Variants in UTRN observed in about 807,000 individuals in gnomAD.
The protein encoded by UTRN is dystrophin-related protein 1.
A neutral mutation model predicts 463.9 loss-of-function variants in UTRN; 283 were observed. The observed-to-expected ratio is 0.61, with a 90% confidence interval of 0.55 to 0.67. The LOEUF (loss-of-function observed/expected upper bound fraction) is 0.67. UTRN is among the 30% of genes least tolerant of loss of function. UTRN has a pLI of 0.00. For synonymous variants in UTRN, 1,442 were observed against 1,431.5 expected (o/e 1.01, Z -0.17); for missense variants, 3,922 against 4,084.3 (o/e 0.96, Z 1.08).
intron 56 of UTRN, among the ~76,000 whole-genome samples, chr6:144,753,861 T>C (rs751154567): frequency 6.6e-6 from 1 of 152,102 alleles, no homozygotes; most frequent in African/African-American, 2.4e-5. Context: ...AGTGAGACTC[T>C]GTCTTTACAA....
intron 52 of UTRN, among the ~76,000 whole-genome samples, chr6:144,687,895 C>T (rs1373166446): frequency 6.6e-6 from 1 of 152,032 alleles, no homozygotes; most frequent in African/African-American, 2.4e-5. Context: ...ATGTCTAATC[C>T]CTAGCAAGGC....
rs185415865 is a variant in UTRN, at chr6:144,287,608, C to T, written c.-93+1787C>T. Among the ~76,000 whole-genome samples, 357 of 152,210 alleles carry T rather than the reference C, an allele frequency of 2.3e-3. 2 individuals carry two copies. Among genetic ancestry groups the T allele is most frequent in the African/African-American group, 8.1e-3 (336 of 41,518 alleles). On this transcript the variant is annotated intron_variant, in intron 1 of 74. Transcript: ENST00000367545. Reference sequence around the variant, plus strand: ...AAAATAAAAATTATATACATATATTCATTGTATAATTCCTAAAATCTTAAA... The same window carrying T: ...AAAATAAAAATTATATACATATATTTATTGTATAATTCCTAAAATCTTAAA...
chr6:144,346,923 A>T (rs1174631975), intron 2 of UTRN, among the ~76,000 whole-genome samples: 1 of 148,928 alleles, frequency 6.7e-6, no homozygotes, highest in Non-Finnish European at 1.5e-5. Flanking sequence ...CTATCTATCG[A>T]TCTCTATCTT....
chr6:144,365,918 A>G (rs1779465454), intron 2 of UTRN, among the ~76,000 whole-genome samples: 1 of 152,038 alleles, frequency 6.6e-6, no homozygotes, highest in Admixed American at 6.6e-5. Flanking sequence ...TTGTATTTTT[A>G]GTAGAGACTG....
intron 19 of UTRN, among the ~76,000 whole-genome samples, chr6:144,454,528 A>G (rs1272316868): frequency 1.3e-5 from 2 of 152,184 alleles, no homozygotes; most frequent in Non-Finnish European, 2.9e-5. Flanking sequence ...AATGGTAAGC[A>G]CTTTGGAAGG....
chr6:144,634,827 T>C (rs1776930921), intron 51 of UTRN, among the ~76,000 whole-genome samples: 1 of 152,216 alleles, frequency 6.6e-6, no homozygotes, highest in Non-Finnish European at 1.5e-5. Context: ...GGTTTGTTCA[T>C]GTTGTAGCTT....
intron 2 of UTRN, chr6:144,331,155 G>A (rs1214446216): frequency 3.9e-6 from 2 of 516,762 alleles, no homozygotes; most frequent in African/African-American, 4.2e-5. Flanking sequence ...TGTCCTCTGG[G>A]TGACCTAGGA....
intron 65 of UTRN, among the ~76,000 whole-genome samples, chr6:144,807,127 C>T (rs1214707318): frequency 6.6e-6 from 1 of 152,064 alleles, no homozygotes; most frequent in African/African-American, 2.4e-5. Context: ...ACTGCATCTC[C>T]CTTTTTAGTT....
chr6:144,751,972 C>G lies in UTRN; in HGVS notation c.8355+20C>G. On this transcript the variant is annotated intron_variant, in intron 56 of 74. Transcript: ENST00000367545. The stretch of plus-strand genomic sequence containing the variant: ...TTACAGGTATCAGCTTATTCCCCTT[C>G]ATAATGCAGGCTTACACCTTGGGTG... 6.3e-7 allele frequency: 1 copy of G among 1,593,338 alleles called. No homozygotes were observed. Among genetic ancestry groups the G allele is most frequent in the Non-Finnish European group, 8.5e-7 (1 of 1,171,204 alleles).
chr6:144,827,803 A>G lies in UTRN; in HGVS notation c.9599+127A>G. ...GTTTTGCAGGAGTTATGATTCCATT[A>G]TATTTGGAATTTGGGCTCTCATATT... On this transcript the variant is annotated intron_variant, in intron 68 of 74. Coordinates refer to ENST00000367545, the MANE Select transcript of UTRN (RefSeq NM_007124.3). 7.0e-6 allele frequency: 8 copies of G among 1,146,858 alleles called. 1 individual carries two copies. Among genetic ancestry groups the G allele is most frequent in the East Asian group, 2.6e-5 (1 of 38,834 alleles). The allele number at this position is 1,146,858 out of a possible 1,614,324, so 71.0% of individuals were successfully genotyped here.
chr6:144,381,114 T>C (rs192547244), intron 2 of UTRN, among the ~76,000 whole-genome samples: 16 of 152,318 alleles, frequency 1.1e-4, no homozygotes, highest in Admixed American at 2.0e-4. Flanking sequence ...GATTATTTCA[T>C]CATCCAGGTA....
intron 2 of UTRN, among the ~76,000 whole-genome samples, chr6:144,327,050 G>T (rs1467782987): frequency 6.6e-6 from 1 of 152,108 alleles, no homozygotes; most frequent in Non-Finnish European, 1.5e-5. Context: ...GGGATTTTAG[G>T]CTTCTGTCTG....
chr6:144,360,348 T>G (rs1473385663), intron 2 of UTRN, among the ~76,000 whole-genome samples: 1 of 151,912 alleles, frequency 6.6e-6, no homozygotes, highest in African/African-American at 2.4e-5. Flanking sequence ...AATTTTTATA[T>G]TTTTAGTAGA....
Position 144,678,413 on chromosome 6 carries a change from A to G in UTRN, c.7487A>G (p.Gln2496Arg). 1 of 1,611,544 alleles carries G rather than the reference A, an allele frequency of 6.2e-7. No homozygotes were observed. Among genetic ancestry groups the G allele is most frequent in the Non-Finnish European group, 8.5e-7 (1 of 1,178,428 alleles). ...RELKQQMQDI[Q>R]AEIDAHNDIF... Reference sequence around the variant, plus strand: ...TTGCTTTTTTCTGTTTAGGACATCCAGGCAGAAATTGATGCCCACAATGAC... The same window carrying G: ...TTGCTTTTTTCTGTTTAGGACATCCGGGCAGAAATTGATGCCCACAATGAC... Residue 2496 changes from glutamine to arginine, a missense_variant, in exon 52 of 75, where the codon CAG becomes CGG. Transcript: ENST00000367545.
At chr6:144,454,663 T>A (rs1022847802) in intron 19 of UTRN, among the ~76,000 whole-genome samples, 3 of 152,196 alleles carry the variant, frequency 2.0e-5, no homozygotes, top group Non-Finnish European at 4.4e-5. Flanking sequence ...ATGGAAAATA[T>A]AACTGTATAA....
intron 51 of UTRN, among the ~76,000 whole-genome samples, chr6:144,632,187 C>T (rs762384893): frequency 6.6e-6 from 1 of 152,180 alleles, no homozygotes; most frequent in Non-Finnish European, 1.5e-5. Flanking sequence ...TAAGTCTCAA[C>T]TGCACTAAGT....
chr6:144,679,485 A>ATTTG (rs1781993801), intron 52 of UTRN, among the ~76,000 whole-genome samples: 7 of 152,174 alleles, frequency 4.6e-5, no homozygotes, highest in Non-Finnish European at 1.0e-4. Context: ...ATGGTCTTGA[A>ATTTG]TTTGACTCTG....
chr6:144,459,449 C>A, intron 21 of UTRN, 95 bp downstream of exon 21: 1 of 1,325,070 alleles, frequency 7.5e-7, no homozygotes, highest in Non-Finnish European at 1.0e-6. Context: ...GCTTGCTTTG[C>A]ACCAACCTTC....
At chr6:144,494,360 C>T (rs1016263604) in intron 33 of UTRN, among the ~76,000 whole-genome samples, 7 of 151,932 alleles carry the variant, frequency 4.6e-5, no homozygotes, top group East Asian at 1.9e-4. Flanking sequence ...TGGAGTTGTT[C>T]GTTCCTCCCA....
Sources: allele counts gnomAD v4.1 joint callset (sites outside exome capture counted in the v4.1 genomes callset), GRCh38; gene constraint gnomAD v4.1.1; transcripts MANE v1.5; gene names NCBI Gene and HGNC (gene_info 2026-07-23, HGNC 2026-07-21).